Variants in AMZ1 observed in about 807,000 individuals in gnomAD.
AMZ1 encodes the protein archaelysin family metallopeptidase 1, also known as archaemetzincin-1.
AMZ1 carries 39 observed loss-of-function variants against 29.9 expected under a neutral mutation model. The ratio of observed to expected loss-of-function variants is 1.30; its 90% CI spans 1.01 to 1.70. The LOEUF (loss-of-function observed/expected upper bound fraction) is 1.70. Ranked by LOEUF, AMZ1 falls within the 40% of genes most tolerant of loss-of-function variation. The pLI is 0.00. For missense variants in AMZ1, 1,041 were observed against 680.6 expected, an observed-to-expected ratio of 1.53 and a Z score of -5.89; for synonymous variants, 458 against 304.0, an observed-to-expected ratio of 1.51 and a Z score of -5.27.
chr7:2,738,546 A>C (rs2115316942), intron 4 of AMZ1, among the ~76,000 whole-genome samples: 1 of 152,232 alleles, frequency 6.6e-6, no homozygotes, highest in South Asian at 2.1e-4. Context: ...CGGGAGACTA[A>C]AACCCATATT....
chr7:2,708,472 CTT>C, intron 3 of AMZ1, 114 bp from the exon 4 acceptor site: 1 of 1,492,686 alleles, frequency 6.7e-7, no homozygotes, highest in Non-Finnish European at 9.0e-7. Flanking sequence ...CCACACCTGA[CTT>C]GGGAAGGGGC....
intron 4 of AMZ1, among the ~76,000 whole-genome samples, chr7:2,740,642 AAAC>A (rs1790451840): frequency 6.6e-6 from 1 of 152,228 alleles, no homozygotes. Flanking sequence ...GGTGAAATGT[AAAC>A]AACATGTTAA....
At position 2,709,791 on chromosome 7, in the gene AMZ1, G is replaced by GT; in HGVS notation, c.926dup (p.Arg310GlnfsTer46). 3 of 1,612,120 alleles carry GT rather than the reference G, an allele frequency of 1.9e-6. No individual in the cohort carries two copies. Among genetic ancestry groups the GT allele is most frequent in the Non-Finnish European group, 2.5e-6 (3 of 1,179,852 alleles). On this transcript the variant is annotated frameshift_variant, in exon 6 of 7. Coordinates refer to ENST00000683327, the MANE Select transcript of AMZ1 (RefSeq NM_001384743.1). LOFTEE classifies it low-confidence loss of function (END_TRUNC). ...CTGAGGAAGCTGCAGCATGTCCTGGGTTTCAGGCTCATCGAGAGGTACCAG... is the reference window on the plus strand; with the variant it reads ...CTGAGGAAGCTGCAGCATGTCCTGGGTTTTCAGGCTCATCGAGAGGTACCAG...
At chr7:2,760,694 C>T (rs565821233), upstream of AMZ1, among the ~76,000 whole-genome samples, 1 of 152,236 alleles carries the variant, frequency 6.6e-6, no homozygotes, top group Non-Finnish European at 1.5e-5. Context: ...AATCCATCTC[C>T]ATTTCCTTCT....
upstream of AMZ1, among the ~76,000 whole-genome samples, chr7:2,687,136 G>A (rs1787111473): frequency 6.6e-6 from 1 of 152,006 alleles, no homozygotes; most frequent in African/African-American, 2.4e-5. Context: ...ATACCAGCCT[G>A]GCCAAGAAGG....
intron 4 of AMZ1, among the ~76,000 whole-genome samples, chr7:2,753,672 G>GT (rs1157013279): frequency 2.0e-5 from 3 of 152,206 alleles, no homozygotes; most frequent in Non-Finnish European, 2.9e-5. Context: ...TGGTGTGGAT[G>GT]TAAGTTTCAT....
rs188041079 is a variant in AMZ1, at chr7:2,712,310, C to A, written c.949-20C>A. 1.8e-5 allele frequency: 27 copies of A among 1,536,688 alleles called. No individual in the cohort carries two copies. In the African/African-American group the frequency reaches 2.3e-4, roughly 13 times the overall value. On this transcript the variant is annotated intron_variant, in intron 6 of 6. Transcript: ENST00000683327. ...AAGGGCTGGCACGGAGCAAACTCAGCCTGTGTTTCTCCCTCTTAGAGACTC... is the reference window on the plus strand; with the variant it reads ...AAGGGCTGGCACGGAGCAAACTCAGACTGTGTTTCTCCCTCTTAGAGACTC...
At chr7:2,695,793 A>T (rs886193746) in intron 1 of AMZ1, among the ~76,000 whole-genome samples, 1 of 152,028 alleles carries the variant, frequency 6.6e-6, no homozygotes, top group African/African-American at 2.4e-5. Flanking sequence ...GGTAGATCAC[A>T]TGAGGTCAGG....
upstream of AMZ1, among the ~76,000 whole-genome samples, chr7:2,686,087 C>T (rs546075618): frequency 4.6e-5 from 7 of 152,238 alleles, no homozygotes; most frequent in African/African-American, 1.2e-4. Flanking sequence ...AGTGAGACAC[C>T]AGGAGAAACC....
At chr7:2,762,729 G>A (rs1298663697), upstream of AMZ1, 5 of 1,558,446 alleles carry the variant, frequency 3.2e-6, no homozygotes, top group Middle Eastern at 5.0e-4. Context: ...CAGGCCCCAT[G>A]TCCTCCCTCC....
At chr7:2,693,070 G>A (rs1787498344) in intron 1 of AMZ1, among the ~76,000 whole-genome samples, 1 of 152,178 alleles carries the variant, frequency 6.6e-6, no homozygotes. Flanking sequence ...TGGCACGCCT[G>A]AGCCCTGCCC....
chr7:2,757,129 C>CTTTTTTTTTTTT (rs71026549), intron 4 of AMZ1, among the ~76,000 whole-genome samples: 3 of 94,004 alleles, frequency 3.2e-5, no homozygotes, highest in African/African-American at 1.3e-4. Context: ...TCAGGTGGGC[C>CTTTTTTTTTTTT]TTTTTTTTTT....
intron 2 of AMZ1, 37 bp from the exon 3 acceptor site, chr7:2,702,685 G>C: frequency 6.7e-7 from 1 of 1,493,862 alleles, no homozygotes; most frequent in Non-Finnish European, 8.9e-7. Context: ...AGGCGGGCAG[G>C]GGCGTCGCAG....
intron 4 of AMZ1, among the ~76,000 whole-genome samples, chr7:2,727,828 T>C (rs1364831220): frequency 6.6e-6 from 1 of 151,328 alleles, no homozygotes; most frequent in Non-Finnish European, 1.5e-5. Context: ...GAGGCTGAGG[T>C]GGGCCGATCA....
Position 2,712,817 on chromosome 7 carries a change from G to T in AMZ1, c.1436G>T (p.Ser479Ile). ...DKFSSLRRKLSARKLARAESA... is the reference protein window; with the variant it reads ...DKFSSLRRKLIARKLARAESA... ...TTCTCCTCCCTGAGGAGGAAGCTGA[G>T]TGCCCGAAAACTCGCCAGAGCAGAG... is the stretch of plus-strand genomic sequence containing the variant. Residue 479 changes from serine to isoleucine, a missense_variant, in exon 7 of 7, where the codon AGT becomes ATT. Coordinates refer to ENST00000683327, the MANE Select transcript of AMZ1 (RefSeq NM_001384743.1). 6.5e-7 allele frequency: 1 copy of T among 1,538,654 alleles called. No homozygotes were observed. Among genetic ancestry groups the T allele is most frequent in the Non-Finnish European group, 8.8e-7 (1 of 1,141,048 alleles).
intron 4 of AMZ1, among the ~76,000 whole-genome samples, chr7:2,736,520 G>A (rs560107893): frequency 1.3e-5 from 2 of 152,332 alleles, no homozygotes; most frequent in South Asian, 4.2e-4. Context: ...AGGGGCTGGT[G>A]GCAGTGAAAG....
intron 1 of AMZ1, among the ~76,000 whole-genome samples, chr7:2,693,464 T>C (rs1412865822): frequency 6.6e-6 from 1 of 152,008 alleles, no homozygotes; most frequent in African/African-American, 2.4e-5. Context: ...ACTGCAGCCT[T>C]GGACTCCTGG....
At chr7:2,692,644 C>T (rs1043119684) in intron 1 of AMZ1, among the ~76,000 whole-genome samples, 16 of 152,198 alleles carry the variant, frequency 1.1e-4, no homozygotes, top group South Asian at 2.1e-4. Context: ...TCTTCCGTAG[C>T]GAGGTCCCCA....
At chr7:2,680,582 C>T (rs993531812) in intron 1 of AMZ1, among the ~76,000 whole-genome samples, 1 of 152,230 alleles carries the variant, frequency 6.6e-6, no homozygotes, top group Non-Finnish European at 1.5e-5. Context: ...GCTCCGTCCT[C>T]ATTTTCACCC....
Sources: gnomAD v4.1 joint callset for allele counts (sites outside exome capture counted in the v4.1 genomes callset) on GRCh38, gnomAD v4.1.1 for gene constraint, MANE v1.5 for transcripts, NCBI Gene and HGNC (gene_info 2026-07-23, HGNC 2026-07-21) for gene names.